The following EPN2 variants were observed in gnomAD, a reference collection of about 807,000 sequenced individuals.
The protein encoded by EPN2 is epsin 2, also known as epsin-2.
A neutral mutation model predicts 61.7 loss-of-function variants in EPN2; 34 were observed. The ratio of observed to expected loss-of-function variants is 0.55; its 90% CI spans 0.42 to 0.73. The LOEUF (loss-of-function observed/expected upper bound fraction) is 0.73. Ranked by LOEUF, EPN2 falls within the 30% of genes least tolerant of loss-of-function variation. The pLI, the probability that EPN2 is intolerant of heterozygous loss-of-function variation, is 0.00. For synonymous variants in EPN2, 349 were observed against 353.6 expected (o/e 0.99, Z 0.15); for missense variants, 714 against 839.2 (o/e 0.85, Z 1.84).
At position 19,283,620 on chromosome 17, in the gene EPN2, C is replaced by A. The variant is rs764136698; in HGVS notation, c.501C>A (p.Thr167=). ...VATGMGSNQI[T]FGRGSSQPNL... Reference sequence around the variant, plus strand: ...CTGGCATGGGCAGCAACCAGATCACCTTTGGGCGAGGCTCCAGCCAGCCCA... The same window carrying A: ...CTGGCATGGGCAGCAACCAGATCACATTTGGGCGAGGCTCCAGCCAGCCCA... Residue 167 remains threonine (T), a synonymous_variant, in exon 3 of 11, where the codon ACC becomes ACA. Coordinates refer to ENST00000314728, the MANE Select transcript of EPN2 (RefSeq NM_014964.5). The surrounding 1 kb of genome is among the most constrained non-coding windows in gnomAD (Gnocchi z 7.0). 6 of 1,614,130 alleles carry A rather than the reference C, an allele frequency of 3.7e-6. No individual in the cohort carries two copies. Among genetic ancestry groups the A allele is most frequent in the Non-Finnish European group, 5.1e-6 (6 of 1,180,038 alleles).
rs766453429 is a variant in EPN2 at position 19,332,041 on chromosome 17, C to G, written c.1600C>G (p.Gln534Glu). The change falls in exon 10 of 11, where the codon CAG becomes GAG. Residue 534 changes from glutamine to glutamate, a missense_variant. Gln to Glu is a conservative substitution (Grantham distance 29). This residue lies in a region of EPN2 where 410 missense variants were observed against 421.8 expected (regional missense o/e 0.97). Coordinates refer to ENST00000314728, the MANE Select transcript of EPN2 (RefSeq NM_014964.5). ...GGTGACCAGGCCTGCCCCACCAGCC[C>G]AGTCCCTCAACCCTTTCCTGGCACC... ...SLVTRPAPPAQSLNPFLAPGA... is the reference protein window; with the variant it reads ...SLVTRPAPPAESLNPFLAPGA... 2 of 1,612,168 alleles carry G rather than the reference C, an allele frequency of 1.2e-6. No individual in the cohort carries two copies. The highest frequency in any genetic ancestry group is 4.5e-5 in the East Asian group (2 of 44,878).
chr17:19,256,058 C>G (rs1243764547), intron 1 of EPN2, among the ~76,000 whole-genome samples: 1 of 152,090 alleles, frequency 6.6e-6, no homozygotes, highest in South Asian at 2.1e-4. Context: ...CTGCCTCAGC[C>G]TCCCGAGTAG....
intron 4 of EPN2, chr17:19,308,400 T>G: frequency 8.1e-6 from 8 of 985,444 alleles, no homozygotes; most frequent in Non-Finnish European, 9.6e-6. Flanking sequence ...AAATGACCCG[T>G]TAACCATGAA....
chr17:19,266,454 G>C (rs1018543337), intron 1 of EPN2, among the ~76,000 whole-genome samples: 3 of 150,942 alleles, frequency 2.0e-5, no homozygotes, highest in Non-Finnish European at 4.4e-5. Flanking sequence ...CCAGGCTGGA[G>C]TGCAGTGGCG....
rs949720592 is a variant in EPN2, at chr17:19,283,904, G to C, written c.595+190G>C. Among the ~76,000 whole-genome samples, 5 of 152,190 alleles carry C rather than the reference G, an allele frequency of 3.3e-5. No homozygotes were observed. Among genetic ancestry groups the C allele is most frequent in the Non-Finnish European group, 5.9e-5 (4 of 68,038 alleles). On this transcript the variant is annotated intron_variant, in intron 3 of 10. Transcript: ENST00000314728. The surrounding 1 kb of genome is among the most constrained non-coding windows in gnomAD (Gnocchi z 7.0). ...AGTTTTGGTTATAAAGGGACTTTTAGTCCCTTGGCTGCTCTGGTTCAGGGA... is the reference window on the plus strand; with the variant it reads ...AGTTTTGGTTATAAAGGGACTTTTACTCCCTTGGCTGCTCTGGTTCAGGGA...
intron 7 of EPN2, among the ~76,000 whole-genome samples, chr17:19,322,224 G>C (rs1311725230): frequency 6.6e-6 from 1 of 152,162 alleles, no homozygotes; most frequent in Non-Finnish European, 1.5e-5. Flanking sequence ...GAGAAGCCCT[G>C]AGTCCAAACA....
At chr17:19,270,404 G>A (rs1184279809) in intron 1 of EPN2, among the ~76,000 whole-genome samples, 1 of 152,148 alleles carries the variant, frequency 6.6e-6, no homozygotes, top group Non-Finnish European at 1.5e-5. Context: ...AGATGCTTGT[G>A]GACAATGCCA....
At chr17:19,333,919 G>T in intron 10 of EPN2, 37 bp from the exon 11 acceptor site, 2 of 1,499,862 alleles carry the variant, frequency 1.3e-6, no homozygotes, top group Non-Finnish European at 1.8e-6. Context: ...GCCACACCCT[G>T]ACGGCTCAGC....
intron 4 of EPN2, among the ~76,000 whole-genome samples, chr17:19,302,893 C>T (rs1234232317): frequency 1.3e-5 from 2 of 152,190 alleles, no homozygotes; most frequent in Admixed American, 1.3e-4. Context: ...TCGTCTGCCA[C>T]ACTGGGCTGC....
chr17:19,256,432 A>C (rs1353821365), intron 1 of EPN2, among the ~76,000 whole-genome samples: 3 of 151,560 alleles, frequency 2.0e-5, no homozygotes. Flanking sequence ...AAAAAAAAAA[A>C]AAAAAAAAAA....
At chr17:19,295,586 T>G (rs1367326686) in intron 4 of EPN2, among the ~76,000 whole-genome samples, 1 of 152,128 alleles carries the variant, frequency 6.6e-6, no homozygotes, top group Non-Finnish European at 1.5e-5. Flanking sequence ...TCCAGAAATA[T>G]AGGAATGCCT....
In EPN2 at chr17:19,318,886, A is replaced by G. The variant is rs567177881; in HGVS notation, c.1147+5607A>G. Among the ~76,000 whole-genome samples, 10 of 152,236 alleles carry G rather than the reference A, an allele frequency of 6.6e-5. No individual in the cohort carries two copies. The South Asian group carries it at 2.1e-3, about 32-fold the overall frequency. ...AGATACTGCACATATTGCAGAGTTC[A>G]TGGTAGAAAGAATTCTTCCGGAAAT... On this transcript the variant is annotated intron_variant, in intron 7 of 10. Coordinates refer to ENST00000314728, the MANE Select transcript of EPN2 (RefSeq NM_014964.5).
At chr17:19,286,288 G>C (rs565295353) in intron 4 of EPN2, among the ~76,000 whole-genome samples, 4 of 150,718 alleles carry the variant, frequency 2.7e-5, no homozygotes, top group African/African-American at 9.7e-5. Flanking sequence ...TTTTTTTTTT[G>C]CTTCCCAATT....
chr17:19,281,627 C>T (rs573005466), intron 1 of EPN2, among the ~76,000 whole-genome samples: 48 of 152,216 alleles, frequency 3.2e-4, no homozygotes, highest in Admixed American at 9.2e-4. Context: ...AAGGGAGGCG[C>T]AGGTTCTGGG....
At chr17:19,267,987 A>G (rs1404870584) in intron 1 of EPN2, among the ~76,000 whole-genome samples, 1 of 152,334 alleles carries the variant, frequency 6.6e-6, no homozygotes, top group Non-Finnish European at 1.5e-5. Context: ...TGGCAAGTGC[A>G]GATTTCTTGT....
At chr17:19,287,289 G>A (rs746599966) in intron 4 of EPN2, among the ~76,000 whole-genome samples, 1 of 152,034 alleles carries the variant, frequency 6.6e-6, no homozygotes, top group African/African-American at 2.4e-5. Context: ...TCCACCCCGT[G>A]TGGATTTATG....
chr17:19,240,952 C>CA (rs2044878408), intron 1 of EPN2, among the ~76,000 whole-genome samples: 1 of 152,298 alleles, frequency 6.6e-6, no homozygotes. Flanking sequence ...TTGCTGAAAT[C>CA]ACTACTGTTG....
intron 1 of EPN2, among the ~76,000 whole-genome samples, chr17:19,240,638 G>T (rs557976912): frequency 1.3e-5 from 2 of 152,110 alleles, no homozygotes; most frequent in African/African-American, 4.8e-5. Flanking sequence ...TCATGTATTC[G>T]GTGTAAACAG....
chr17:19,238,981 A>G (rs1031361568), intron 1 of EPN2, among the ~76,000 whole-genome samples: 1 of 152,214 alleles, frequency 6.6e-6, no homozygotes, highest in African/African-American at 2.4e-5. Flanking sequence ...ACAAAATCTT[A>G]TGCTGAATCT....
Sources: gnomAD v4.1 joint callset for allele counts (sites outside exome capture counted in the v4.1 genomes callset) on GRCh38, gnomAD v4.1.1 for gene constraint, gnomAD v4.1.1 regional missense constraint, Gnocchi (gnomAD v3.1) non-coding constraint, MANE v1.5 for transcripts, NCBI Gene and HGNC (gene_info 2026-07-23, HGNC 2026-07-21) for gene names.